Variants in TLE1 observed in about 807,000 individuals in gnomAD.
TLE1 encodes the protein transducin-like enhancer protein 1.
A neutral mutation model predicts 89.8 loss-of-function variants in TLE1; 21 were observed. The observed-to-expected ratio is 0.23, with a 90% CI of 0.17 to 0.34. The LOEUF (loss-of-function observed/expected upper bound fraction) is 0.34. Among genes scored for constraint, TLE1 ranks in the 10% least tolerant of loss-of-function variants. TLE1 has a pLI of 1.00. For synonymous variants in TLE1, 447 were observed against 407.6 expected, an observed-to-expected ratio of 1.10 and a Z score of -1.16; for missense variants, 795 against 1,031.2, an observed-to-expected ratio of 0.77 and a Z score of 3.14.
At chr9:81,616,502 T>C (rs1824532992) in intron 10 of TLE1, 144 bp downstream of exon 10, 1 of 748,594 alleles carries the variant, frequency 1.3e-6, no homozygotes, top group South Asian at 1.7e-5. Context: ...GCTCCATACA[T>C]GAGCAACCAT....
At chr9:81,643,244 G>GA (rs1202284610) in intron 6 of TLE1, among the ~76,000 whole-genome samples, 1 of 147,604 alleles carries the variant, frequency 6.8e-6, no homozygotes, top group Non-Finnish European at 1.5e-5. Context: ...TTGTTTTTTG[G>GA]TTTTTTTTTT....
rs1250685650 is a variant in TLE1, at chr9:81,675,697, A to AGTTT, written c.234+9975_234+9978dup. On this transcript the variant is annotated intron_variant, in intron 4 of 19. Coordinates refer to ENST00000376499, the MANE Select transcript of TLE1 (RefSeq NM_005077.5). ...TAATTTTAGCATAAGGACTCACACTAGTTTTTTTTTGTTTTTTTTTTTGAG... is the reference window on the plus strand; with the variant it reads ...TAATTTTAGCATAAGGACTCACACTAGTTTGTTTTTTTTTGTTTTTTTTTTTGAG... Among the ~76,000 whole-genome samples, 8 of 99,832 alleles carry AGTTT rather than the reference A, an allele frequency of 8.0e-5. 1 individual carries two copies. Among genetic ancestry groups the AGTTT allele is most frequent in the African/African-American group, 3.4e-4 (7 of 20,658 alleles). 65.5% of individuals were successfully genotyped at this position (99,832 alleles called of 152,430 possible).
Position 81,649,342 on chromosome 9 carries a change from TC to T in TLE1, c.372+2871del, listed in dbSNP as rs577698820. On this transcript the variant is annotated intron_variant, in intron 6 of 19. Coordinates refer to ENST00000376499, the MANE Select transcript of TLE1 (RefSeq NM_005077.5). ...ACAGAAAAAATACAACCTCTCTCTG[TC>T]TCCTCGAAGAGCACCCACAGGCCCA... 1.2e-4 allele frequency among the ~76,000 whole-genome samples: 18 copies of T among 152,226 alleles called. 1 individual carries two copies. The South Asian group carries it at 3.7e-3, about 32-fold the overall frequency.
In TLE1 at chr9:81,637,306, T is replaced by C. The variant is rs1588070687; in HGVS notation, c.373-3005A>G. Among the ~76,000 whole-genome samples the C allele has an allele frequency of 2.0e-5, 3 of 152,254 alleles. No individual in the cohort carries two copies. In the South Asian group the frequency reaches 6.2e-4, roughly 32 times the overall value. ...TTGGAAAGCAGAGGCTGTAGTGAGC[T>C]GAGATCGTGCCACTGCACTCCAGCC... On this transcript the variant is annotated intron_variant, in intron 6 of 19. Transcript: ENST00000376499.
At chr9:81,646,665 T>A (rs1828900325) in intron 6 of TLE1, among the ~76,000 whole-genome samples, 1 of 152,182 alleles carries the variant, frequency 6.6e-6, no homozygotes, top group Non-Finnish European at 1.5e-5. Flanking sequence ...ATTTTACTAA[T>A]CCTTAAACCA....
At chr9:81,598,595 G>T (rs1459745650) in intron 14 of TLE1, among the ~76,000 whole-genome samples, 3 of 152,086 alleles carry the variant, frequency 2.0e-5, no homozygotes, top group Non-Finnish European at 4.4e-5. Context: ...AGGAAAAGTT[G>T]CCCTGGTAAG....
chr9:81,638,580 A>G (rs1300587058), intron 6 of TLE1, among the ~76,000 whole-genome samples: 1 of 152,188 alleles, frequency 6.6e-6, no homozygotes, highest in East Asian at 1.9e-4. Context: ...TACTGATACT[A>G]CTATATAGCC....
chr9:81,683,458 G>T (rs372319030), intron 4 of TLE1, among the ~76,000 whole-genome samples: 5 of 151,912 alleles, frequency 3.3e-5, no homozygotes, highest in African/African-American at 9.7e-5. Context: ...GTGATCAGGC[G>T]GCAAAAAGCA....
At chr9:81,666,527 A>G (rs1831481017) in intron 4 of TLE1, among the ~76,000 whole-genome samples, 1 of 152,132 alleles carries the variant, frequency 6.6e-6, no homozygotes, top group Non-Finnish European at 1.5e-5. Flanking sequence ...CTGTAATCCC[A>G]GCATTCTGGG....
intron 4 of TLE1, among the ~76,000 whole-genome samples, chr9:81,669,773 C>T (rs1831976604): frequency 6.6e-6 from 1 of 152,108 alleles, no homozygotes; most frequent in Non-Finnish European, 1.5e-5. Context: ...CTTGGGAACC[C>T]AGAGTCTAAT....
chr9:81,652,106 TACACACACACACACACACAC>T (rs3045544), intron 6 of TLE1, 88 bp downstream of exon 6: 21 of 696,360 alleles, frequency 3.0e-5, no homozygotes, highest in Non-Finnish European at 4.6e-5. Context: ...AACGTTAAGA[TACACACACACACACACACAC>T]ACACACACAC....
chr9:81,588,791 C>A (rs970534289), intron 16 of TLE1, among the ~76,000 whole-genome samples: 5 of 152,054 alleles, frequency 3.3e-5, no homozygotes, highest in Admixed American at 1.3e-4. Flanking sequence ...CAGAAGCAGG[C>A]GGGATCCAGT....
intron 6 of TLE1, among the ~76,000 whole-genome samples, chr9:81,648,267 T>A (rs1829109965): frequency 1.0e-5 from 1 of 98,388 alleles, no homozygotes; most frequent in Non-Finnish European, 2.0e-5. Flanking sequence ...AGTAACACTG[T>A]CTCCAAAAAA....
At chr9:81,617,055 G>C (rs1421436340) in intron 9 of TLE1, among the ~76,000 whole-genome samples, 2 of 149,910 alleles carry the variant, frequency 1.3e-5, no homozygotes, top group African/African-American at 4.9e-5. Context: ...TTTAATTTGA[G>C]ATCTGCACAC....
chr9:81,620,499 G>C lies in TLE1; in HGVS notation c.653C>G (p.Pro218Arg). Residue 218 changes from proline (P) to arginine (R), a missense_variant, in exon 9 of 20, where the codon CCT becomes CGT. By Grantham distance (103) the Pro-to-Arg change is moderately radical. This residue lies in a region of TLE1 where 468 missense variants were observed against 509.1 expected (regional missense o/e 0.92). Coordinates refer to ENST00000376499, the MANE Select transcript of TLE1 (RefSeq NM_005077.5). ...TTTCTTGATGTCATTGGAAAATTCA[G>C]GTCCATTTCTGCGTTTATCTGTGCC... is the stretch of plus-strand genomic sequence containing the variant. ...LRGTDKRRNG[P>R]EFSNDIKKRK... 1 of 1,613,996 alleles carries C rather than the reference G, an allele frequency of 6.2e-7. No homozygotes were observed. The highest frequency in any genetic ancestry group is 8.5e-7 in the Non-Finnish European group (1 of 1,179,976).
chr9:81,673,537 T>G (rs1284195408), intron 4 of TLE1, among the ~76,000 whole-genome samples: 1 of 152,110 alleles, frequency 6.6e-6, no homozygotes, highest in Non-Finnish European at 1.5e-5. Context: ...AGCGCCCCCA[T>G]GCCAGGAAAC....
chr9:81,584,215 A>C lies in TLE1; in HGVS notation c.2296T>G (p.Tyr766Asp). The change falls in exon 20 of 20, where the codon TAT becomes GAT. Residue 766 changes from tyrosine to aspartate, a missense_variant. Transcript: ENST00000376499. ...TGSGDKKATV[Y>D]EVIY ...TAATGTTTTCAGTAGATGACTTCAT[A>C]GACTGTAGCCTTCTTGTCCCCCGAG... 1 of 1,614,040 alleles carries C rather than the reference A, an allele frequency of 6.2e-7. No homozygotes were observed. Among genetic ancestry groups the C allele is most frequent in the Non-Finnish European group, 8.5e-7 (1 of 1,179,866 alleles).
intron 4 of TLE1, among the ~76,000 whole-genome samples, chr9:81,672,995 G>A (rs981483915): frequency 8.5e-4 from 129 of 151,562 alleles, no homozygotes; most frequent in African/African-American, 2.9e-3. Flanking sequence ...CAACAAGGCC[G>A]GACGCGGTGG....
At chr9:81,650,305 G>T (rs1346334764) in intron 6 of TLE1, among the ~76,000 whole-genome samples, 1 of 152,172 alleles carries the variant, frequency 6.6e-6, no homozygotes, top group Admixed American at 6.5e-5. Flanking sequence ...ACAAGAGCTG[G>T]GCGGTGCCTT....
Sources: allele counts gnomAD v4.1 joint callset (sites outside exome capture counted in the v4.1 genomes callset), GRCh38; gene constraint gnomAD v4.1.1; regional missense constraint gnomAD v4.1.1; transcripts MANE v1.5; gene names NCBI Gene and HGNC (gene_info 2026-07-23, HGNC 2026-07-21).